Variants in EXOC6 observed in about 807,000 individuals in gnomAD.
EXOC6 encodes the protein exocyst complex component 6, also known as SEC15-like 1.
EXOC6 carries 60 observed loss-of-function variants against 112.5 expected under a neutral mutation model. The ratio of observed to expected loss-of-function variants is 0.53; its 90% CI spans 0.43 to 0.66. EXOC6 has a LOEUF of 0.66. EXOC6 is among the 30% of genes least tolerant of loss of function. The probability of loss-of-function intolerance (pLI) is 0.00; values close to 1 mark genes in which losing one functional copy is unlikely to be tolerated. For synonymous variants in EXOC6, 295 were observed against 308.0 expected, an observed-to-expected ratio of 0.96 and a Z score of 0.44; for missense variants, 855 against 957.1, an observed-to-expected ratio of 0.89 and a Z score of 1.41.
rs1307062341 is a variant in EXOC6 at position 92,975,681 on chromosome 10, G to A, written c.1953+1449G>A. On this transcript the variant is annotated intron_variant, in intron 18 of 21. Coordinates refer to ENST00000260762, the MANE Select transcript of EXOC6 (RefSeq NM_019053.6). Reference sequence around the variant, plus strand: ...AGGTGAGGGGCGCCTCTGCCCGGCAGCCCCTACTGGGAAGTGAGGAGCCCC... The same window carrying A: ...AGGTGAGGGGCGCCTCTGCCCGGCAACCCCTACTGGGAAGTGAGGAGCCCC... Among the ~76,000 whole-genome samples, 276 of 119,658 alleles carry A rather than the reference G, an allele frequency of 2.3e-3. 5 individuals are homozygous for A. Among genetic ancestry groups the A allele is most frequent in the African/African-American group, 8.3e-3 (252 of 30,462 alleles). The allele number at this position is 119,658 out of a possible 152,430, so 78.5% of individuals were successfully genotyped here. A position where few individuals can be genotyped will look rare whatever the true frequency, so the allele number is the denominator to read the frequency against.
Position 92,957,399 on chromosome 10 carries a change from A to G in EXOC6, c.1773+1685A>G, listed in dbSNP as rs146093110. Among the ~76,000 whole-genome samples, 549 of 152,312 alleles carry G rather than the reference A, an allele frequency of 3.6e-3. 2 individuals are homozygous for G. The highest frequency in any genetic ancestry group is 0.013 in the African/African-American group (521 of 41,578). On this transcript the variant is annotated intron_variant, in intron 17 of 21. Coordinates refer to ENST00000260762, the MANE Select transcript of EXOC6 (RefSeq NM_019053.6). ...AAGCCAGAGAACCAAAGATACTGGA[A>G]CACAATGTTCTTAGATTAGGGGATC...
At chr10:92,852,447 T>TAC (rs1375962655) in intron 1 of EXOC6, among the ~76,000 whole-genome samples, 1 of 35,706 alleles carries the variant, frequency 2.8e-5, no homozygotes, top group Non-Finnish European at 5.6e-5. Flanking sequence ...GTATTCCTCA[T>TAC]ACACACAGAT....
chr10:93,022,895 C>G (rs1844849408), intron 20 of EXOC6, among the ~76,000 whole-genome samples: 1 of 151,104 alleles, frequency 6.6e-6, no homozygotes, highest in South Asian at 2.1e-4. Flanking sequence ...TAGCATATTG[C>G]TTTAACACTT....
upstream of EXOC6, chr10:92,848,459 G>A: frequency 1.3e-6 from 1 of 774,576 alleles, no homozygotes; most frequent in Non-Finnish European, 1.7e-6. Context: ...GCCCCTTCGC[G>A]CTCGCGCCAC....
intron 18 of EXOC6, 129 bp downstream of exon 18, chr10:92,974,361 C>A (rs1186446496): frequency 9.5e-6 from 5 of 525,648 alleles, no homozygotes; most frequent in Non-Finnish European, 1.6e-5. Flanking sequence ...TATTATAAAT[C>A]CATTTGTAAG....
intron 1 of EXOC6, among the ~76,000 whole-genome samples, chr10:92,875,299 AT>A (rs1848636647): frequency 6.6e-6 from 1 of 152,134 alleles, no homozygotes; most frequent in Non-Finnish European, 1.5e-5. Context: ...AATATTACCT[AT>A]TATTGAATTC....
At chr10:92,831,872 AT>A (rs1846495165), upstream of EXOC6, among the ~76,000 whole-genome samples, 1 of 152,238 alleles carries the variant, frequency 6.6e-6, no homozygotes, top group Non-Finnish European at 1.5e-5. Flanking sequence ...GATGAAGGGT[AT>A]ATTTTTGTTC....
At chr10:92,886,571 A>G (rs1849228724) in intron 1 of EXOC6, among the ~76,000 whole-genome samples, 1 of 152,236 alleles carries the variant, frequency 6.6e-6, no homozygotes, top group Non-Finnish European at 1.5e-5. Context: ...TGGAGAGTCT[A>G]TGTAATATAG....
intron 1 of EXOC6, among the ~76,000 whole-genome samples, chr10:92,851,014 AACAC>A (rs1847302468): frequency 6.6e-6 from 1 of 152,248 alleles, no homozygotes; most frequent in Non-Finnish European, 1.5e-5. Context: ...GTCATTGACT[AACAC>A]ACAAAAAATA....
At chr10:92,887,774 A>C (rs1849297806) in intron 1 of EXOC6, among the ~76,000 whole-genome samples, 1 of 152,108 alleles carries the variant, frequency 6.6e-6, no homozygotes, top group South Asian at 2.1e-4. Flanking sequence ...AATGACATAG[A>C]TCTAGGAACT....
At chr10:92,979,435 T>C (rs1352249991) in intron 18 of EXOC6, among the ~76,000 whole-genome samples, 1 of 152,204 alleles carries the variant, frequency 6.6e-6, no homozygotes, top group African/African-American at 2.4e-5. Context: ...TCCAGTGAGA[T>C]TTTGTTCTCT....
chr10:92,875,467 G>T (rs1390170156), intron 1 of EXOC6, among the ~76,000 whole-genome samples: 2 of 152,110 alleles, frequency 1.3e-5, no homozygotes, highest in African/African-American at 4.8e-5. Flanking sequence ...CTTTGTGTAT[G>T]AATAAGTATG....
chr10:92,998,347 A>G (rs375628718), intron 19 of EXOC6, among the ~76,000 whole-genome samples: 5 of 152,212 alleles, frequency 3.3e-5, no homozygotes, highest in Non-Finnish European at 5.9e-5. Context: ...TGACAATTCT[A>G]TCAGGCACCA....
At chr10:92,948,576 T>TACTACTACC (rs1722743125) in intron 14 of EXOC6, among the ~76,000 whole-genome samples, 197 bp downstream of exon 14, 2 of 137,632 alleles carry the variant, frequency 1.5e-5, no homozygotes, top group Admixed American at 1.4e-4. Flanking sequence ...CTACTACCAC[T>TACTACTACC]ACTACTACTA....
intron 14 of EXOC6, among the ~76,000 whole-genome samples, 194 bp downstream of exon 14, chr10:92,948,573 C>CACT (rs71028860): frequency 0.35 from 48,627 of 139,810 alleles, 8,491 homozygotes; most frequent in Non-Finnish European, 0.39. Flanking sequence ...CTACTACTAC[C>CACT]ACTACTACTA....
intron 1 of EXOC6, among the ~76,000 whole-genome samples, chr10:92,875,376 T>C (rs1034240027): frequency 2.0e-5 from 3 of 151,928 alleles, no homozygotes; most frequent in Non-Finnish European, 2.9e-5. Flanking sequence ...CACACACAAA[T>C]ATATTTTATA....
At chr10:92,945,586 T>C (rs1852944666) in intron 13 of EXOC6, among the ~76,000 whole-genome samples, 1 of 152,234 alleles carries the variant, frequency 6.6e-6, no homozygotes, top group Non-Finnish European at 1.5e-5. Context: ...TCTTAGAATA[T>C]AAATGTGCCT....
intron 1 of EXOC6, among the ~76,000 whole-genome samples, chr10:92,865,761 G>T (rs1848144937): frequency 6.6e-6 from 1 of 151,922 alleles, no homozygotes; most frequent in African/African-American, 2.4e-5. Context: ...AACTACTAAT[G>T]GCCTACTGTT....
intron 12 of EXOC6, among the ~76,000 whole-genome samples, chr10:92,938,147 A>G (rs1852454994): frequency 6.6e-6 from 1 of 152,172 alleles, no homozygotes; most frequent in Non-Finnish European, 1.5e-5. Flanking sequence ...TATGGTACCA[A>G]GGAATTCTCC....
Sources: allele counts gnomAD v4.1 joint callset (sites outside exome capture counted in the v4.1 genomes callset), GRCh38; gene constraint gnomAD v4.1.1; transcripts MANE v1.5; gene names NCBI Gene and HGNC (gene_info 2026-07-23, HGNC 2026-07-21).